The following MGMT variants were observed in gnomAD, a reference collection of about 807,000 sequenced individuals.
The protein encoded by MGMT is methylated-DNA--protein-cysteine methyltransferase.
MGMT carries 14 observed loss-of-function variants against 15.9 expected under a neutral mutation model. The observed-to-expected ratio is 0.88, with a 90% CI of 0.58 to 1.37. The LOEUF (loss-of-function observed/expected upper bound fraction) is 1.37. MGMT is among the 40% of genes most tolerant of loss of function. The pLI is 0.00. For missense variants in MGMT, 282 were observed against 268.1 expected (o/e 1.05, Z -0.36); for synonymous variants, 130 against 118.2 (o/e 1.10, Z -0.65).
chr10:129,542,714 G>T (rs1846056961), intron 2 of MGMT, among the ~76,000 whole-genome samples: 2 of 152,190 alleles, frequency 1.3e-5, no homozygotes, highest in Non-Finnish European at 2.9e-5. Context: ...AGGAAAACTT[G>T]CCAGGCGCTC....
chr10:129,618,888 G>T (rs570671567), intron 2 of MGMT, among the ~76,000 whole-genome samples: 1 of 151,056 alleles, frequency 6.6e-6, no homozygotes, highest in African/African-American at 2.4e-5. Flanking sequence ...GTTGCCCAAG[G>T]ATTCTTTAGT....
chr10:129,733,934 C>G (rs1848531374), intron 3 of MGMT, among the ~76,000 whole-genome samples: 1 of 151,910 alleles, frequency 6.6e-6, no homozygotes, highest in South Asian at 2.1e-4. Flanking sequence ...TGTTTTGGTA[C>G]CAGTACCATG....
At chr10:129,700,829 A>G (rs914253392) in intron 2 of MGMT, 1 of 152,230 alleles carries the variant, frequency 6.6e-6, no homozygotes, top group Non-Finnish European at 1.5e-5. Flanking sequence ...TCCATCAAAC[A>G]CAAGACACTC....
chr10:129,752,231 A>G (rs1191346265), intron 3 of MGMT, among the ~76,000 whole-genome samples: 1 of 151,994 alleles, frequency 6.6e-6, no homozygotes, highest in Non-Finnish European at 1.5e-5. Flanking sequence ...CCCTCTCACT[A>G]TGTAATATTC....
intron 2 of MGMT, among the ~76,000 whole-genome samples, chr10:129,631,441 CAA>C (rs1847208544): frequency 1.3e-5 from 2 of 152,164 alleles, no homozygotes; most frequent in African/African-American, 2.4e-5. Flanking sequence ...ACATTAATAA[CAA>C]TGATGGCTTA....
In MGMT at chr10:129,676,414, G is replaced by C. The variant is rs1228984753; in HGVS notation, c.126-31481G>C. 2.0e-5 allele frequency among the ~76,000 whole-genome samples: 3 copies of C among 152,318 alleles called. No individual in the cohort carries two copies. The East Asian group carries it at 5.8e-4, about 29-fold the overall frequency. ...ACTGCGGGGAGAAGGGCTCATGGCA[G>C]AGCAAGCGCAGTGGACCCTCTCCCT... is the stretch of plus-strand genomic sequence containing the variant. On this transcript the variant is annotated intron_variant, in intron 2 of 4. Transcript: ENST00000651593.
At chr10:129,707,326 C>T (rs1848175891) in intron 2 of MGMT, among the ~76,000 whole-genome samples, 2 of 151,822 alleles carry the variant, frequency 1.3e-5, no homozygotes, top group Admixed American at 6.6e-5. Context: ...ACCAAGTAGA[C>T]ACAGGCACAC....
chr10:129,650,198 C>T (rs1847440652), intron 2 of MGMT, among the ~76,000 whole-genome samples: 1 of 152,258 alleles, frequency 6.6e-6, no homozygotes, highest in African/African-American at 2.4e-5. Flanking sequence ...TTTGAGACCA[C>T]CAGTGGGTAG....
intron 3 of MGMT, among the ~76,000 whole-genome samples, chr10:129,732,262 G>C (rs11016899): frequency 6.6e-6 from 1 of 150,504 alleles, no homozygotes; most frequent in Non-Finnish European, 1.5e-5. Flanking sequence ...CCATCTATTC[G>C]TCATTTATAT....
chr10:129,588,993 C>T (rs368696952), intron 2 of MGMT, among the ~76,000 whole-genome samples: 3 of 152,120 alleles, frequency 2.0e-5, no homozygotes, highest in African/African-American at 4.8e-5. Flanking sequence ...TGCTTTAGAC[C>T]CTGGTGGTCT....
intron 1 of MGMT, among the ~76,000 whole-genome samples, chr10:129,484,095 A>G (rs1845385223): frequency 6.6e-6 from 1 of 152,178 alleles, no homozygotes; most frequent in Non-Finnish European, 1.5e-5. Flanking sequence ...CAATTGTGGC[A>G]TTGTGTTGGT....
chr10:129,642,852 A>T (rs542822922), intron 2 of MGMT, among the ~76,000 whole-genome samples: 43 of 152,118 alleles, frequency 2.8e-4, no homozygotes, highest in South Asian at 1.0e-3. Context: ...AGACCACCTG[A>T]GCCCCGAAGT....
At chr10:129,536,169 C>T in intron 1 of MGMT, 72 bp from the exon 2 acceptor site, 2 of 1,517,956 alleles carry the variant, frequency 1.3e-6, no homozygotes, top group Admixed American at 2.0e-5. Context: ...ATAACCAGTA[C>T]TTCTGTTGTG....
chr10:129,491,827 C>G (rs149572889), intron 1 of MGMT, among the ~76,000 whole-genome samples: 1 of 152,112 alleles, frequency 6.6e-6, no homozygotes, highest in South Asian at 2.1e-4. Flanking sequence ...AAATTCTTCT[C>G]TTTCCCACTT....
intron 1 of MGMT, among the ~76,000 whole-genome samples, chr10:129,521,027 C>T (rs1390993513): frequency 6.6e-6 from 1 of 152,144 alleles, no homozygotes; most frequent in African/African-American, 2.4e-5. Flanking sequence ...GCAGGCTTGC[C>T]CCGCCACCTG....
In MGMT at chr10:129,728,278, T is replaced by G. The variant is rs550861598; in HGVS notation, c.274+20235T>G. 5.3e-5 allele frequency among the ~76,000 whole-genome samples: 8 copies of G among 152,060 alleles called. No individual in the cohort carries two copies. In the South Asian group the frequency reaches 8.3e-4, roughly 16 times the overall value. On this transcript the variant is annotated intron_variant, in intron 3 of 4. Transcript: ENST00000651593. ...TTGAGAATGACAGAGATGGGAAGGT[T>G]AGGGATTAGGGTCAGTGGCATGGAC...
chr10:129,612,557 T>C (rs1369152410), intron 2 of MGMT, among the ~76,000 whole-genome samples: 1 of 152,230 alleles, frequency 6.6e-6, no homozygotes, highest in Admixed American at 6.5e-5. Flanking sequence ...AGTGAGTTAA[T>C]GCAGGGCTTG....
At chr10:129,712,534 T>C (rs1336357845) in intron 3 of MGMT, among the ~76,000 whole-genome samples, 2 of 152,114 alleles carry the variant, frequency 1.3e-5, no homozygotes, top group Non-Finnish European at 1.5e-5. Context: ...CTCCATCGAA[T>C]TCCTCATTTC....
chr10:129,612,274 G>A (rs1223141573), intron 2 of MGMT, among the ~76,000 whole-genome samples: 2 of 152,166 alleles, frequency 1.3e-5, no homozygotes, highest in Non-Finnish European at 2.9e-5. Flanking sequence ...AGGCTTCAGA[G>A]AGAATAACTT....
Sources: gnomAD v4.1 joint callset for allele counts (sites outside exome capture counted in the v4.1 genomes callset) on GRCh38, gnomAD v4.1.1 for gene constraint, MANE v1.5 for transcripts, NCBI Gene and HGNC (gene_info 2026-07-23, HGNC 2026-07-21) for gene names.